TNS1: variants seen among roughly 807,000 people sequenced by gnomAD.
TNS1 encodes tensin-1.
Under a neutral mutation model 168.6 loss-of-function variants are expected in TNS1, and 62 were observed. The ratio of observed to expected loss-of-function variants is 0.37; its 90% CI spans 0.30 to 0.45. TNS1 has a LOEUF of 0.45. TNS1 is among the 20% of genes least tolerant of loss of function. The pLI is 1.00. For missense variants in TNS1, 2,240 were observed against 2,339.4 expected, an observed-to-expected ratio of 0.96 and a Z score of 0.88; for synonymous variants, 934 against 933.2, an observed-to-expected ratio of 1.00 and a Z score of -0.02.
intron 6 of TNS1, among the ~76,000 whole-genome samples, chr2:217,904,455 C>G (rs558953835): frequency 6.6e-6 from 1 of 152,172 alleles, no homozygotes; most frequent in Non-Finnish European, 1.5e-5. Context: ...CAACCTGAGA[C>G]AGGTGACAGG....
Position 217,800,575 on chromosome 2 carries a change from A to T in TNS1, c.*3884T>A, listed in dbSNP as rs1393537865. 6.6e-6 allele frequency: 1 copy of T among 152,224 alleles called. No homozygotes were observed. Among genetic ancestry groups the T allele is most frequent in the Non-Finnish European group, 1.5e-5 (1 of 68,076 alleles). The allele number at this position is 152,224 out of a possible 1,614,324, so 9.4% of individuals were successfully genotyped here. A position where few individuals can be genotyped will look rare whatever the true frequency, so the allele number is the denominator to read the frequency against. ...CATCCACACTTGCACATGCGCACAC[A>T]CGTCCTGTGTTACCACTGGCCAAGG... On this transcript the variant is annotated 3_prime_UTR_variant, in exon 33 of 33. Transcript: ENST00000682258.
chr2:217,817,924 G>A lies in TNS1; in HGVS notation c.4408C>T (p.Pro1470Ser), dbSNP rs747772246. ...GAGTCTGGTGACGGGGAGGTGGCAG[G>A]GCTGCTCAGGCCAGGGTAGTAGGCA... is the stretch of plus-strand genomic sequence containing the variant. ...SPAYYPGLSS[P>S]ATSPSPDSAA... Residue 1470 changes from proline to serine, a missense_variant, in exon 24 of 33, where the codon CCT becomes TCT. Around this residue, in one of 2 missense-constraint regions of TNS1, gnomAD observed 2,131 missense variants for 2,171.2 expected, o/e 0.98. Transcript: ENST00000682258. 2 of 1,613,370 alleles carry A rather than the reference G, an allele frequency of 1.2e-6. No individual in the cohort carries two copies. Among genetic ancestry groups the A allele is most frequent in the Non-Finnish European group, 1.7e-6 (2 of 1,179,722 alleles).
chr2:217,882,451 C>A, intron 16 of TNS1, 40 bp from the exon 17 acceptor site: 10 of 1,435,138 alleles, frequency 7.0e-6, no homozygotes, highest in South Asian at 5.1e-5. Context: ...GGCAAAAAGT[C>A]CCAAAAAGGA....
intron 4 of TNS1, among the ~76,000 whole-genome samples, chr2:217,913,167 A>G (rs1954625016): frequency 6.6e-6 from 1 of 152,146 alleles, no homozygotes; most frequent in African/African-American, 2.4e-5. Flanking sequence ...ACCCTGAAGT[A>G]TATCTGCTCA....
chr2:217,905,789 T>C (rs1370691603), intron 6 of TNS1, among the ~76,000 whole-genome samples: 3 of 152,140 alleles, frequency 2.0e-5, no homozygotes, highest in African/African-American at 7.2e-5. Context: ...GATCCTTCCA[T>C]TTCAGGCATC....
upstream of TNS1, among the ~76,000 whole-genome samples, chr2:218,004,409 G>C (rs1045113849): frequency 2.0e-5 from 3 of 151,988 alleles, no homozygotes; most frequent in Non-Finnish European, 4.4e-5. Flanking sequence ...GCCGCTGTCT[G>C]TCAGCACCAC....
intron 1 of TNS1, among the ~76,000 whole-genome samples, chr2:217,998,736 G>A (rs1958511967): frequency 6.6e-6 from 1 of 152,186 alleles, no homozygotes; most frequent in Admixed American, 6.5e-5. Context: ...CTAGGCTCAG[G>A]AAATCCTCCC....
At chr2:217,822,168 C>T (rs552677127) in intron 22 of TNS1, among the ~76,000 whole-genome samples, 6 of 152,256 alleles carry the variant, frequency 3.9e-5, no homozygotes, top group East Asian at 3.9e-4. Context: ...TCCCAGGCCC[C>T]GCCTCAGAAC....
At chr2:217,950,467 G>A (rs191819119) in intron 3 of TNS1, among the ~76,000 whole-genome samples, 109 of 152,202 alleles carry the variant, frequency 7.2e-4, no homozygotes, top group Non-Finnish European at 1.5e-3. Context: ...ACTGGGGAGC[G>A]TGCTGGCCAC....
upstream of TNS1, among the ~76,000 whole-genome samples, chr2:218,014,160 T>C (rs1958736091): frequency 1.3e-5 from 2 of 152,294 alleles, no homozygotes; most frequent in South Asian, 4.1e-4. Context: ...CAGCTCCTGT[T>C]AGGGAGAATC....
At chr2:217,840,248 C>T (rs1039442941) in intron 19 of TNS1, among the ~76,000 whole-genome samples, 2 of 152,216 alleles carry the variant, frequency 1.3e-5, no homozygotes, top group Admixed American at 6.5e-5. Flanking sequence ...CCTGACCCAG[C>T]CTCCAGTGTC....
At chr2:217,879,514 T>C (rs762706748) in intron 18 of TNS1, 2 of 410,114 alleles carry the variant, frequency 4.9e-6, no homozygotes, top group African/African-American at 2.1e-5. Context: ...GCTGGGCCCC[T>C]GGGGGAGGAA....
At position 217,880,067 on chromosome 2, in the gene TNS1, G is replaced by A. The variant is rs551021205; in HGVS notation, c.1429+831C>T. Among the ~76,000 whole-genome samples the A allele has an allele frequency of 2.0e-5, 3 of 152,316 alleles. No homozygotes were observed. The South Asian group carries it at 6.2e-4, about 32-fold the overall frequency. On this transcript the variant is annotated intron_variant, in intron 18 of 32. Coordinates refer to ENST00000682258, the MANE Select transcript of TNS1 (RefSeq NM_001387777.1). This position sits in a 1 kb window ranked among gnomAD's most constrained non-coding sequence, Gnocchi z 4.2. ...GTCCTCCCAGCTCCAACATTCTGCA[G>A]TCCTACGACCAACTCAAGAAAAGAA...
chr2:217,979,162 G>A (rs1203502320), intron 2 of TNS1, among the ~76,000 whole-genome samples: 1 of 152,166 alleles, frequency 6.6e-6, no homozygotes, highest in Non-Finnish European at 1.5e-5. Flanking sequence ...CAAGGAATAA[G>A]GGGGGCCTTC....
rs1222628326 is a variant in TNS1, at chr2:217,813,565, T to C, written c.4861+120A>G. 7.0e-7 allele frequency: 1 copy of C among 1,429,022 alleles called. No individual in the cohort carries two copies. The highest frequency in any genetic ancestry group is 1.4e-5 in the African/African-American group (1 of 70,112). The allele number at this position is 1,429,022 out of a possible 1,614,324, so 88.5% of individuals were successfully genotyped here. ...CATCACCAAGCCCAAGACACCCTCT[T>C]CCGAAGAGCCTGATGGGAGTTAAGG... On this transcript the variant is annotated intron_variant, in intron 26 of 32. Transcript: ENST00000682258. This position sits in a 1 kb window ranked among gnomAD's most constrained non-coding sequence, Gnocchi z 4.0.
intron 12 of TNS1, among the ~76,000 whole-genome samples, chr2:217,889,791 G>A (rs903766867): frequency 4.6e-5 from 7 of 152,190 alleles, no homozygotes; most frequent in Non-Finnish European, 7.3e-5. Context: ...CTGACATCAC[G>A]GCAGGTGGCA....
intron 4 of TNS1, among the ~76,000 whole-genome samples, chr2:217,918,580 G>A (rs536599488): frequency 6.6e-5 from 10 of 152,222 alleles, no homozygotes; most frequent in African/African-American, 1.7e-4. Flanking sequence ...ACCTCTGACC[G>A]CTCTTCATGT....
intron 19 of TNS1, among the ~76,000 whole-genome samples, chr2:217,841,795 C>T (rs920922979): frequency 7.2e-5 from 11 of 152,210 alleles, no homozygotes; most frequent in Non-Finnish European, 7.3e-5. Flanking sequence ...CCCTCTCTCA[C>T]ACCCTGGCTC....
intron 3 of TNS1, among the ~76,000 whole-genome samples, chr2:217,933,003 C>T (rs1340143370): frequency 2.0e-5 from 3 of 152,228 alleles, no homozygotes; most frequent in African/African-American, 7.2e-5. Flanking sequence ...GACAGCCCAG[C>T]TCTCTGTTGC....
Sources: allele counts gnomAD v4.1 joint callset (sites outside exome capture counted in the v4.1 genomes callset), GRCh38; gene constraint gnomAD v4.1.1; regional missense constraint gnomAD v4.1.1; non-coding constraint Gnocchi (gnomAD v3.1); transcripts MANE v1.5; gene names NCBI Gene and HGNC (gene_info 2026-07-23, HGNC 2026-07-21).